VAV2: variants seen among roughly 807,000 people sequenced by gnomAD.
The protein encoded by VAV2 is vav guanine nucleotide exchange factor 2, also known as guanine nucleotide exchange factor VAV2.
In VAV2, 67 loss-of-function variants were observed where a neutral mutation model predicts 132.5. The ratio of observed to expected loss-of-function variants is 0.51; its 90% CI spans 0.42 to 0.62. The LOEUF is 0.62. VAV2 is among the 20% of genes least tolerant of loss of function. The pLI is 0.00. For synonymous variants in VAV2, 492 were observed against 443.5 expected, an observed-to-expected ratio of 1.11 and a Z score of -1.37; for missense variants, 938 against 1,153.6, an observed-to-expected ratio of 0.81 and a Z score of 2.71.
At chr9:133,939,020 C>T in intron 2 of VAV2, 83 bp downstream of exon 2, 3 of 1,300,736 alleles carry the variant, frequency 2.3e-6, no homozygotes, top group Non-Finnish European at 3.3e-6. Context: ...CAGGCTGCTC[C>T]ATGGATCTGG....
intron 4 of VAV2, among the ~76,000 whole-genome samples, chr9:133,832,376 G>A (rs1836296093): frequency 2.0e-5 from 3 of 152,154 alleles, no homozygotes; most frequent in Non-Finnish European, 1.5e-5. Context: ...CAAGTAGGGT[G>A]GCTGCAGACT....
At chr9:133,839,695 C>T (rs574652409) in intron 3 of VAV2, among the ~76,000 whole-genome samples, 28 of 152,250 alleles carry the variant, frequency 1.8e-4, no homozygotes, top group Admixed American at 4.6e-4. Flanking sequence ...GTGATCCGCC[C>T]GCCTCAGCCT....
At chr9:133,915,743 T>A (rs867955345) in intron 2 of VAV2, among the ~76,000 whole-genome samples, 3 of 91,284 alleles carry the variant, frequency 3.3e-5, no homozygotes, top group African/African-American at 1.3e-4. Flanking sequence ...AACGCACACA[T>A]ACACACACGA....
At chr9:133,860,150 A>G (rs911626380) in intron 3 of VAV2, among the ~76,000 whole-genome samples, 1 of 151,856 alleles carries the variant, frequency 6.6e-6, no homozygotes, top group Non-Finnish European at 1.5e-5. Context: ...AAAATACAAA[A>G]AATTAGCCGG....
intron 1 of VAV2, among the ~76,000 whole-genome samples, chr9:133,979,253 C>T (rs1842614976): frequency 6.6e-6 from 1 of 152,188 alleles, no homozygotes; most frequent in African/African-American, 2.4e-5. Context: ...GGGAGGGGCT[C>T]CTAAAATACC....
intron 2 of VAV2, among the ~76,000 whole-genome samples, chr9:133,905,450 A>AAAAG (rs1554805369): frequency 6.9e-6 from 1 of 144,846 alleles, no homozygotes; most frequent in Non-Finnish European, 1.5e-5. Flanking sequence ...AAAAAAAAAA[A>AAAAG]GAAACAAAAG....
chr9:133,864,133 T>TCTGTTCC (rs1837706066), intron 2 of VAV2, among the ~76,000 whole-genome samples: 1 of 152,232 alleles, frequency 6.6e-6, no homozygotes, highest in Non-Finnish European at 1.5e-5. Flanking sequence ...TATTACCTCG[T>TCTGTTCC]CTGTTCCGAG....
intron 2 of VAV2, among the ~76,000 whole-genome samples, chr9:133,929,504 G>A (rs551124920): frequency 2.0e-5 from 3 of 152,216 alleles, no homozygotes; most frequent in South Asian, 4.1e-4. Context: ...CATGCCAGGA[G>A]GTTCCACGGG....
At chr9:133,984,729 G>A (rs113229298) in intron 1 of VAV2, among the ~76,000 whole-genome samples, 7,099 of 151,956 alleles carry the variant, frequency 0.047, 215 homozygotes, top group African/African-American at 0.073. Context: ...CCAACGTGTC[G>A]AAGCCTTATC....
chr9:133,986,910 T>C (rs1351451453), intron 1 of VAV2, among the ~76,000 whole-genome samples: 3 of 152,132 alleles, frequency 2.0e-5, no homozygotes, highest in Non-Finnish European at 2.9e-5. Flanking sequence ...ACCAGAAGCC[T>C]CATGAGAGCA....
rs182928021 is a variant in VAV2, at chr9:133,885,400, C to T, written c.322-23968G>A. On this transcript the variant is annotated intron_variant, in intron 2 of 29. Transcript: ENST00000371850. The surrounding 1 kb of genome is among the most constrained non-coding windows in gnomAD (Gnocchi z 5.0). ...ACATCGATGAGCAAACATGGCCCAG[C>T]GATTTGTGTTTCTCAGAGCCCTCTC... 2.9e-4 allele frequency among the ~76,000 whole-genome samples: 44 copies of T among 152,316 alleles called. No individual in the cohort carries two copies. Among genetic ancestry groups the T allele is most frequent in the Non-Finnish European group, 4.3e-4 (29 of 68,032 alleles).
At chr9:133,786,811 T>C (rs1834244922) in intron 16 of VAV2, among the ~76,000 whole-genome samples, 3 of 152,010 alleles carry the variant, frequency 2.0e-5, no homozygotes, top group Non-Finnish European at 2.9e-5. Flanking sequence ...AGGAGCCTAC[T>C]GGGTTAGAAA....
At chr9:133,890,274 G>A (rs1257302436) in intron 2 of VAV2, among the ~76,000 whole-genome samples, 2 of 143,614 alleles carry the variant, frequency 1.4e-5, no homozygotes, top group Admixed American at 6.8e-5. Context: ...CGGCTCCACC[G>A]CGACCACACG....
At chr9:133,848,819 G>A (rs187389551) in intron 3 of VAV2, among the ~76,000 whole-genome samples, 2 of 152,326 alleles carry the variant, frequency 1.3e-5, no homozygotes, top group African/African-American at 4.8e-5. Flanking sequence ...GCCTGGCACC[G>A]GCTGTGCAGT....
At chr9:133,937,400 ATG>A (rs71380203) in intron 2 of VAV2, among the ~76,000 whole-genome samples, 30,298 of 142,544 alleles carry the variant, frequency 0.21, 3,177 homozygotes, top group Non-Finnish European at 0.24. Context: ...GTCTGTGTCA[ATG>A]TGTGTGTGTG....
chr9:133,917,864 G>T (rs944678035), intron 2 of VAV2, among the ~76,000 whole-genome samples: 5 of 152,122 alleles, frequency 3.3e-5, no homozygotes, highest in Non-Finnish European at 7.4e-5. Flanking sequence ...CAGGACAGTG[G>T]GAGAGAGAAC....
At position 133,908,753 on chromosome 9, in the gene VAV2, G is replaced by A. The variant is rs114061499; in HGVS notation, c.321+30350C>T. Among the ~76,000 whole-genome samples the A allele has an allele frequency of 9.0e-3, 1,369 of 152,366 alleles. 27 individuals are homozygous for A. The highest frequency in any genetic ancestry group is 0.031 in the African/African-American group (1,297 of 41,590). The stretch of plus-strand genomic sequence containing the variant: ...GCCCTTGCCAGCGCTGCACCCCTCT[G>A]AGGCAGACGCAGCTACAAACCAGGT... On this transcript the variant is annotated intron_variant, in intron 2 of 29. Transcript: ENST00000371850.
At chr9:133,916,442 C>T (rs1239066102) in intron 2 of VAV2, among the ~76,000 whole-genome samples, 1 of 152,200 alleles carries the variant, frequency 6.6e-6, no homozygotes, top group Non-Finnish European at 1.5e-5. Flanking sequence ...AGGCCCAGGA[C>T]TAACAAAAGC....
rs1456823784 is a variant in VAV2 at position 133,788,678 on chromosome 9, A to T, written c.1275-192T>A. 2.0e-5 allele frequency among the ~76,000 whole-genome samples: 3 copies of T among 152,028 alleles called. No individual in the cohort carries two copies. The East Asian group carries it at 5.8e-4, about 29-fold the overall frequency. The stretch of plus-strand genomic sequence containing the variant: ...CTGTTCCCACACTGCTTCTCCAGGA[A>T]GCCTTCCTTGGCTCCCTACCCCCGT... On this transcript the variant is annotated intron_variant, in intron 14 of 29. Coordinates refer to ENST00000371850, the MANE Select transcript of VAV2 (RefSeq NM_001134398.2). This position sits in a 1 kb window ranked among gnomAD's most constrained non-coding sequence, Gnocchi z 5.3.
Sources: allele counts gnomAD v4.1 joint callset (sites outside exome capture counted in the v4.1 genomes callset), GRCh38; gene constraint gnomAD v4.1.1; non-coding constraint Gnocchi (gnomAD v3.1); transcripts MANE v1.5; gene names NCBI Gene and HGNC (gene_info 2026-07-23, HGNC 2026-07-21).